INTS11: variants seen among roughly 807,000 people sequenced by gnomAD.
INTS11 encodes the protein CPSF3-like protein.
A neutral mutation model predicts 78.6 loss-of-function variants in INTS11; 77 were observed. The ratio of observed to expected loss-of-function variants is 0.98; its 90% confidence interval spans 0.81 to 1.18. The LOEUF (loss-of-function observed/expected upper bound fraction) is 1.18. Among genes scored for constraint, INTS11 ranks in the 50% most tolerant of loss-of-function variants. The probability of loss-of-function intolerance (pLI) is 0.00; values close to 1 mark genes in which losing one functional copy is unlikely to be tolerated. For synonymous variants in INTS11, 441 were observed against 326.9 expected (o/e 1.35, Z -3.77); for missense variants, 875 against 825.9 (o/e 1.06, Z -0.73).
chr1:1,324,350 C>A (rs1272783396), intron 1 of INTS11, among the ~76,000 whole-genome samples: 2 of 152,140 alleles, frequency 1.3e-5, no homozygotes, highest in Non-Finnish European at 2.9e-5. Context: ...GCGACGTCCC[C>A]TCACGGCCGC....
chr1:1,312,606 C>G lies in INTS11; in HGVS notation c.1389G>C (p.Arg463=). ...CAGCCCGCATACCCTGCGCCATCTC[C>G]CGCTTCAGCAGCCCCAGCGAGATGC... ...PVGISLGLLK[R]EMAQGLLPEA... The change falls in exon 13 of 17, where the codon CGG becomes CGC. Residue 463 remains arginine (R), a synonymous_variant. Coordinates refer to ENST00000435064, the MANE Select transcript of INTS11 (RefSeq NM_017871.6). 1 of 1,574,688 alleles carries G rather than the reference C, an allele frequency of 6.4e-7. No individual in the cohort carries two copies. The highest frequency in any genetic ancestry group is 8.7e-7 in the Non-Finnish European group (1 of 1,155,910).
chr1:1,315,530 A>G lies in INTS11; in HGVS notation c.518T>C (p.Val173Ala). Reference sequence around the variant, plus strand: ...AGCCCTTCCACTGACCGTGTAGACCACAGACTCTGAGCCCACTTTAATCTG... The same window carrying G: ...AGCCCTTCCACTGACCGTGTAGACCGCAGACTCTGAGCCCACTTTAATCTG... The part of the protein sequence containing the change: ...MFQIKVGSES[V>A]VYTGDYNMTP... The change falls in exon 5 of 17, where the codon GTG becomes GCG. Residue 173 changes from valine (V) to alanine (A), a missense_variant. Coordinates refer to ENST00000435064, the MANE Select transcript of INTS11 (RefSeq NM_017871.6). The G allele has an allele frequency of 6.2e-7, 1 of 1,612,388 alleles. No homozygotes were observed. Among genetic ancestry groups the G allele is most frequent in the Non-Finnish European group, 8.5e-7 (1 of 1,179,676 alleles).
intron 4 of INTS11, 25 bp from the exon 5 acceptor site, chr1:1,315,643 G>C: frequency 3.8e-6 from 6 of 1,582,056 alleles, no homozygotes; most frequent in Non-Finnish European, 5.2e-6. Context: ...GCTGCGCTCA[G>C]GCTGTGTCCT....
chr1:1,324,516 C>G, intron 1 of INTS11, 65 bp downstream of exon 1: 1 of 1,499,240 alleles, frequency 6.7e-7, no homozygotes, highest in Non-Finnish European at 9.1e-7. Flanking sequence ...GGGAGCGGGG[C>G]GCCCAGCCCG....
chr1:1,316,936 A>G (rs1237798820), intron 4 of INTS11: 2 of 151,910 alleles, frequency 1.3e-5, no homozygotes, highest in African/African-American at 4.8e-5. Flanking sequence ...AAAAAAATAA[A>G]TAAATAAAAT....
chr1:1,317,819 T>C (rs1198257896), intron 4 of INTS11: 3 of 152,064 alleles, frequency 2.0e-5, no homozygotes, highest in Non-Finnish European at 4.4e-5. Flanking sequence ...GGAAAAAAAG[T>C]CCTTTAAGAA....
In INTS11 at chr1:1,314,372, G is replaced by T; in HGVS notation, c.703-7C>A. 1 of 1,603,548 alleles carries T rather than the reference G, an allele frequency of 6.2e-7. No individual in the cohort carries two copies. The highest frequency in any genetic ancestry group is 1.1e-5 in the South Asian group (1 of 89,760). On this transcript the variant is annotated splice_polypyrimidine_tract_variant and splice_region_variant and intron_variant, in intron 7 of 16. Transcript: ENST00000435064. The surrounding 1 kb of genome is among the most constrained non-coding windows in gnomAD (Gnocchi z 4.2). ...CGAACACAGGTATCAGCACCTGAGG[G>T]GGACACAAGGCAGGAGCCCTGGGCA...
chr1:1,314,804 C>G lies in INTS11; in HGVS notation c.702+20G>C, dbSNP rs1267700945. ...CCCAGCATGGCCGAGGGCCCATGTC[C>G]CCACCCCTGCTGCAGCTACCTTCCC... On this transcript the variant is annotated intron_variant, in intron 7 of 16. Coordinates refer to ENST00000435064, the MANE Select transcript of INTS11 (RefSeq NM_017871.6). The surrounding 1 kb of genome is among the most constrained non-coding windows in gnomAD (Gnocchi z 4.2). The G allele has an allele frequency of 1.2e-6, 2 of 1,604,756 alleles. No homozygotes were observed. The highest frequency in any genetic ancestry group is 2.7e-5 in the African/African-American group (2 of 74,912).
intron 1 of INTS11, among the ~76,000 whole-genome samples, chr1:1,323,804 T>C (rs771327825): frequency 8.2e-5 from 11 of 134,202 alleles, no homozygotes; most frequent in East Asian, 6.3e-4. Context: ...TGAGAGTTGA[T>C]TGTAACTCGG....
Position 1,315,518 on chromosome 1 carries a change from AC to A in INTS11, c.528+1del. ...TCCCAAGCCTCAAGCCCTTCCACTG[AC>A]CGTGTAGACCACAGACTCTGAGCCC... On this transcript the variant is annotated splice_donor_variant, in intron 5 of 16. Coordinates refer to ENST00000435064, the MANE Select transcript of INTS11 (RefSeq NM_017871.6). LOFTEE classifies it high-confidence loss of function. 1 of 1,612,292 alleles carries A rather than the reference AC, an allele frequency of 6.2e-7. No homozygotes were observed. Among genetic ancestry groups the A allele is most frequent in the Non-Finnish European group, 8.5e-7 (1 of 1,179,680 alleles).
At chr1:1,318,878 C>T (rs1211272360) in intron 4 of INTS11, 1 of 674,838 alleles carries the variant, frequency 1.5e-6, no homozygotes, top group Non-Finnish European at 2.8e-6. Context: ...CTTCCCTGAC[C>T]CACACCCAGA....
rs1431999542 is a variant in INTS11, at chr1:1,319,330, T to A, written c.395A>T (p.Lys132Met). ...CTGGTGGAGGTGGACAGCCACCACC[T>A]TCTTCATGCAGTCTTTGATCATCTG... The part of the protein sequence containing the change: ...TSQMIKDCMK[K>M]VVAVHLHQTV... The change falls in exon 4 of 17, where the codon AAG (lysine) becomes ATG (methionine). Residue 132 changes from lysine (K) to methionine (M), a missense_variant. Transcript: ENST00000435064. The A allele has an allele frequency of 1.7e-5, 27 of 1,613,190 alleles. No homozygotes were observed. The highest frequency in any genetic ancestry group is 2.1e-5 in the Non-Finnish European group (25 of 1,180,030).
rs1477640537 is a variant in INTS11 at position 1,312,258 on chromosome 1, C to T, written c.1575G>A (p.Glu525=). 1.5e-5 allele frequency: 23 copies of T among 1,546,148 alleles called. No individual in the cohort carries two copies. Among genetic ancestry groups the T allele is most frequent in the Non-Finnish European group, 1.7e-5 (19 of 1,145,610 alleles). Residue 525 remains glutamate, a synonymous_variant, in exon 15 of 17, where the codon GAG becomes GAA. Coordinates refer to ENST00000435064, the MANE Select transcript of INTS11 (RefSeq NM_017871.6). ...GGTGGCTGTAGACGCGCAATGCCGTCTCCTGCTCCTTGCGTGTGTCATGCA... is the reference window on the plus strand; with the variant it reads ...GGTGGCTGTAGACGCGCAATGCCGTTTCCTGCTCCTTGCGTGTGTCATGCA... ...VHLHDTRKEQ[E]TALRVYSHLK... is the part of the protein sequence containing the mutation.
Position 1,321,003 on chromosome 1 carries a change from T to C in INTS11, c.119A>G (p.Asn40Ser), listed in dbSNP as rs200408789. The change falls in exon 2 of 17, where the codon AAT becomes AGT. Residue 40 changes from asparagine to serine, a missense_variant. Transcript: ENST00000435064. ...MLDCGMHMGF[N>S]DDRRFPDFSY... is the part of the protein sequence containing the mutation. ...CCTGCCCAAGGGACTCACGTCGTCA[T>C]TGAAGCCCATGTGCATTCCACAGTC... 2.1e-5 allele frequency: 34 copies of C among 1,612,874 alleles called. No homozygotes were observed. The highest frequency in any genetic ancestry group is 1.6e-4 in the Middle Eastern group (1 of 6,082).
At chr1:1,320,337 G>GCC (rs1371420685) in intron 3 of INTS11, 119 bp downstream of exon 3, 5 of 894,674 alleles carry the variant, frequency 5.6e-6, no homozygotes, top group Non-Finnish European at 9.1e-6. Context: ...GGGCCTAGAA[G>GCC]CCCCCTGAGG....
chr1:1,312,387 T>C lies in INTS11; in HGVS notation c.1465-19A>G, dbSNP rs1642260597. On this transcript the variant is annotated intron_variant, in intron 14 of 16. Transcript: ENST00000435064. ...GGAAGTTCTGTGGGGCAGGGACAGG[T>C]CAGTGAGCGCAGCAGCGGCCCTCCC... is the stretch of plus-strand genomic sequence containing the variant. 4 of 1,566,820 alleles carry C rather than the reference T, an allele frequency of 2.6e-6. No homozygotes were observed. The highest frequency in any genetic ancestry group is 1.7e-6 in the Non-Finnish European group (2 of 1,155,358).
At chr1:1,315,947 G>A (rs954961235) in intron 4 of INTS11, among the ~76,000 whole-genome samples, 3 of 152,198 alleles carry the variant, frequency 2.0e-5, no homozygotes, top group African/African-American at 7.2e-5. Flanking sequence ...AAGAACGAAA[G>A]ACAACGGACA....
chr1:1,319,763 C>A (rs572962310), intron 3 of INTS11: 6 of 544,722 alleles, frequency 1.1e-5, no homozygotes, highest in Admixed American at 6.8e-5. Flanking sequence ...GACATGCTCG[C>A]GAGACAATGC....
intron 4 of INTS11, chr1:1,317,975 C>G (rs1002266315): frequency 6.6e-6 from 1 of 152,106 alleles, no homozygotes; most frequent in East Asian, 1.9e-4. Context: ...ACGCCATTCT[C>G]CTGCCTTTCA....
Sources: allele counts gnomAD v4.1 joint callset (sites outside exome capture counted in the v4.1 genomes callset), GRCh38; gene constraint gnomAD v4.1.1; non-coding constraint Gnocchi (gnomAD v3.1); transcripts MANE v1.5; gene names NCBI Gene and HGNC (gene_info 2026-07-23, HGNC 2026-07-21).